The following MED12L variants were observed in gnomAD, a reference collection of about 807,000 sequenced individuals.
The protein encoded by MED12L is mediator complex subunit 12L, also known as mediator of RNA polymerase II transcription subunit 12-like protein.
Under a neutral mutation model 281.3 loss-of-function variants are expected in MED12L, and 60 were observed. The observed-to-expected ratio is 0.21, with a 90% CI of 0.17 to 0.26. The LOEUF is 0.26. Ranked by LOEUF, MED12L falls within the 10% of genes least tolerant of loss-of-function variation. The pLI is 1.00. For synonymous variants in MED12L, 974 were observed against 987.2 expected, an observed-to-expected ratio of 0.99 and a Z score of 0.25; for missense variants, 2,146 against 2,680.9, an observed-to-expected ratio of 0.80 and a Z score of 4.41.
rs149383995 is a variant in MED12L, at chr3:151,299,919, T to G, written c.2251-50140T>G. 57 of 690,606 alleles carry G rather than the reference T, an allele frequency of 8.3e-5. No homozygotes were observed. In the East Asian group the frequency reaches 1.4e-3, roughly 17 times the overall value. The allele number at this position is 690,606 out of a possible 1,614,324, so 42.8% of individuals were successfully genotyped here. On this transcript the variant is annotated intron_variant, in intron 16 of 44. Transcript: ENST00000687756. ...CAGCGATACTGTCCTGCATGTTTGC[T>G]GTTTTATACATAAGGAAACACAAAG...
chr3:151,366,245 T>C (rs1755253131), intron 23 of MED12L, among the ~76,000 whole-genome samples: 1 of 152,224 alleles, frequency 6.6e-6, no homozygotes. Flanking sequence ...TCCTGAAATT[T>C]CCATTTAGTT....
chr3:151,262,905 G>A (rs1739163724), intron 16 of MED12L, among the ~76,000 whole-genome samples: 1 of 152,158 alleles, frequency 6.6e-6, no homozygotes, highest in Admixed American at 6.6e-5. Context: ...GCTTGGTGAG[G>A]TTAAGCATTT....
intron 2 of MED12L, among the ~76,000 whole-genome samples, chr3:151,087,268 G>A (rs1159515030): frequency 6.6e-6 from 1 of 152,196 alleles, no homozygotes; most frequent in East Asian, 1.9e-4. Flanking sequence ...CCGTTGCCGG[G>A]CCTTGCACGG....
chr3:151,308,551 G>A (rs1177062621), intron 16 of MED12L, among the ~76,000 whole-genome samples: 1 of 152,130 alleles, frequency 6.6e-6, no homozygotes, highest in Non-Finnish European at 1.5e-5. Context: ...TAGAATTCAA[G>A]ACTCCAGGTA....
rs2149632150 is a variant in MED12L at position 151,284,233 on chromosome 3, G to A, written c.2251-65826G>A. On this transcript the variant is annotated intron_variant, in intron 16 of 44. Coordinates refer to ENST00000687756, the MANE Select transcript of MED12L (RefSeq NM_001393769.1). ...GACTTTTCAGGGAACTTGACTGAGGGTTAACTGAAATCAAAGGAAGTGCTA... is the reference window on the plus strand; with the variant it reads ...GACTTTTCAGGGAACTTGACTGAGGATTAACTGAAATCAAAGGAAGTGCTA... Among the ~76,000 whole-genome samples, 3 of 152,166 alleles carry A rather than the reference G, an allele frequency of 2.0e-5. No individual in the cohort carries two copies. In the East Asian group the frequency reaches 5.8e-4, roughly 29 times the overall value.
At chr3:151,273,621 A>G (rs1377802533) in intron 16 of MED12L, among the ~76,000 whole-genome samples, 1 of 152,126 alleles carries the variant, frequency 6.6e-6, no homozygotes, top group Non-Finnish European at 1.5e-5. Context: ...AGTAAGGAAA[A>G]TGAGGCATAG....
intron 25 of MED12L, 107 bp downstream of exon 25, chr3:151,368,358 G>A: frequency 1.1e-6 from 1 of 926,752 alleles, no homozygotes; most frequent in Non-Finnish European, 1.7e-6. Flanking sequence ...AATTTTTTGG[G>A]CATGCCCTGG....
chr3:151,175,358 T>A (rs1434522069), intron 11 of MED12L, among the ~76,000 whole-genome samples: 1 of 152,244 alleles, frequency 6.6e-6, no homozygotes, highest in East Asian at 1.9e-4. Context: ...GTCCTTTTAG[T>A]CTAAGATTAA....
Position 151,184,830 on chromosome 3 carries a change from G to A in MED12L, c.1495-500G>A, listed in dbSNP as rs141722195. Among the ~76,000 whole-genome samples, 319 of 152,286 alleles carry A rather than the reference G, an allele frequency of 2.1e-3. 3 individuals carry two copies. The highest frequency in any genetic ancestry group is 3.4e-3 in the Middle Eastern group (1 of 294). On this transcript the variant is annotated intron_variant, in intron 11 of 44. Coordinates refer to ENST00000687756, the MANE Select transcript of MED12L (RefSeq NM_001393769.1). ...GGACGGGTGTTTTACCAGCGTTCCA[G>A]CCTCCCCTCTGGTTTGTTCCTTCTA...
chr3:151,363,081 A>G (rs572205171), intron 21 of MED12L, among the ~76,000 whole-genome samples: 1 of 152,214 alleles, frequency 6.6e-6, no homozygotes, highest in African/African-American at 2.4e-5. Flanking sequence ...AGGTAATTCA[A>G]GTAACATGCG....
Position 151,433,552 on chromosome 3 carries a change from T to C in MED12L, c.*748T>C, listed in dbSNP as rs759191268. 1 of 152,478 alleles carries C rather than the reference T, an allele frequency of 6.6e-6. No individual in the cohort carries two copies. Among genetic ancestry groups the C allele is most frequent in the Non-Finnish European group, 1.5e-5 (1 of 68,040 alleles). 9.4% of individuals were successfully genotyped at this position (152,478 alleles called of 1,614,324 possible). On this transcript the variant is annotated 3_prime_UTR_variant, in exon 45 of 45. Transcript: ENST00000687756. ...ATTTGTTTTGAGGCAAGATCATTGA[T>C]GAGAGTCATTGTGAAGGTACAACAT...
At chr3:151,182,352 T>C (rs913340688) in intron 11 of MED12L, among the ~76,000 whole-genome samples, 11 of 152,216 alleles carry the variant, frequency 7.2e-5, no homozygotes, top group African/African-American at 2.7e-4. Flanking sequence ...AGTGGCTTTA[T>C]TCATGATGTT....
At chr3:151,278,258 G>A (rs1742226377) in intron 16 of MED12L, 1 of 152,152 alleles carries the variant, frequency 6.6e-6, no homozygotes, top group African/African-American at 2.4e-5. Context: ...ATACATGCAA[G>A]TCATTTCATG....
At chr3:151,384,938 G>A (rs1713072465) in intron 35 of MED12L, 92 bp from the exon 36 acceptor site, 3 of 769,036 alleles carry the variant, frequency 3.9e-6, no homozygotes, top group South Asian at 1.5e-5. Context: ...AAAGGGAAAT[G>A]TTTCATAGGG....
chr3:151,116,609 C>A (rs1712851919), intron 3 of MED12L, among the ~76,000 whole-genome samples, 167 bp downstream of exon 3: 1 of 152,190 alleles, frequency 6.6e-6, no homozygotes, highest in South Asian at 2.1e-4. Flanking sequence ...AGGGATCATA[C>A]ATTGCATTTC....
intron 40 of MED12L, among the ~76,000 whole-genome samples, chr3:151,410,382 A>G (rs2108351201): frequency 6.6e-6 from 1 of 152,374 alleles, no homozygotes; most frequent in South Asian, 2.1e-4. Context: ...ACATTGGCCT[A>G]CACAGGCACT....
At chr3:151,396,446 G>A (rs138216931) in intron 39 of MED12L, among the ~76,000 whole-genome samples, 4 of 152,158 alleles carry the variant, frequency 2.6e-5, no homozygotes, top group African/African-American at 9.6e-5. Context: ...TGGCCAACAT[G>A]GTGAAACTCT....
chr3:151,340,684 T>A (rs996938178), intron 16 of MED12L: 4 of 152,634 alleles, frequency 2.6e-5, no homozygotes, highest in African/African-American at 9.6e-5. Flanking sequence ...ATTTTCCTTT[T>A]AATGTCTTAG....
chr3:151,206,842 C>G (rs903966026), intron 16 of MED12L, among the ~76,000 whole-genome samples: 4 of 151,740 alleles, frequency 2.6e-5, no homozygotes, highest in African/African-American at 9.7e-5. Flanking sequence ...GATGGGGTTT[C>G]ACCGTGTTAG....
Sources: allele counts gnomAD v4.1 joint callset (sites outside exome capture counted in the v4.1 genomes callset), GRCh38; gene constraint gnomAD v4.1.1; transcripts MANE v1.5; gene names NCBI Gene and HGNC (gene_info 2026-07-23, HGNC 2026-07-21).